The following EDA variants were observed in gnomAD, a reference collection of about 807,000 sequenced individuals.
EDA encodes ectodysplasin-A.
A neutral mutation model predicts 23.6 loss-of-function variants in EDA; 2 were observed. The ratio of observed to expected loss-of-function variants is 0.08; its 90% CI spans 0.03 to 0.27. EDA has a LOEUF of 0.27. EDA is among the 10% of genes least tolerant of loss of function. The probability of loss-of-function intolerance (pLI) is 1.00; values close to 1 mark genes in which losing one functional copy is unlikely to be tolerated. For synonymous variants in EDA, 131 were observed against 132.0 expected (o/e 0.99, Z 0.05); for missense variants, 229 against 324.2 (o/e 0.71, Z 2.26).
chrX:69,700,800 T>C (rs1347507317), intron 1 of EDA, among the ~76,000 whole-genome samples: 1 of 110,447 alleles, frequency 9.1e-6, no homozygotes, highest in African/African-American at 3.3e-5. Context: ...TGTTTTAAAG[T>C]GGGAGGTTGG....
intron 1 of EDA, among the ~76,000 whole-genome samples, chrX:69,888,213 G>A (rs2017858062): frequency 9.0e-6 from 1 of 111,227 alleles, no homozygotes; most frequent in South Asian, 3.8e-4. Context: ...CAAAAGTGTA[G>A]AGTTTTTAAA....
intron 1 of EDA, among the ~76,000 whole-genome samples, chrX:69,832,969 A>G (rs1569348809): frequency 9.0e-6 from 1 of 111,553 alleles, no homozygotes; most frequent in African/African-American, 3.3e-5. Context: ...TAAATATACA[A>G]TCATGTCATC....
chrX:69,868,103 G>C (rs1409038965), intron 1 of EDA, among the ~76,000 whole-genome samples: 1 of 111,596 alleles, frequency 9.0e-6, no homozygotes, highest in Non-Finnish European at 1.9e-5. Context: ...CCTCCATTGT[G>C]ATTCACCTGT....
chrX:69,759,176 GTAACTAA>G (rs1283859848), intron 1 of EDA, among the ~76,000 whole-genome samples: 13 of 112,188 alleles, frequency 1.2e-4, no homozygotes, highest in African/African-American at 3.9e-4. Flanking sequence ...ATACAGCATT[GTAACTAA>G]TGATAGCTGG....
intron 1 of EDA, among the ~76,000 whole-genome samples, chrX:69,850,080 A>G (rs2017094815): frequency 8.9e-6 from 1 of 112,449 alleles, no homozygotes; most frequent in South Asian, 3.7e-4. Context: ...ATACTGATCC[A>G]TGGCAGGCAT....
chrX:69,746,952 C>T (rs1397641057), intron 1 of EDA, among the ~76,000 whole-genome samples: 2 of 111,235 alleles, frequency 1.8e-5, no homozygotes, highest in East Asian at 2.8e-4. Context: ...AGGTTTAACA[C>T]TCTAGCAGAG....
At chrX:69,651,118 A>G (rs150007556) in intron 1 of EDA, among the ~76,000 whole-genome samples, 1 of 111,977 alleles carries the variant, frequency 8.9e-6, no homozygotes, top group African/African-American at 3.2e-5. Flanking sequence ...TCAAGGTACA[A>G]AAGGATGCCA....
At chrX:69,697,779 C>T (rs1212549413) in intron 1 of EDA, among the ~76,000 whole-genome samples, 1 of 112,166 alleles carries the variant, frequency 8.9e-6, no homozygotes, top group Non-Finnish European at 1.9e-5. Context: ...CCACCCATCC[C>T]TTCCAGGTTT....
At chrX:69,823,149 A>G (rs2016284472) in intron 1 of EDA, among the ~76,000 whole-genome samples, 1 of 80,370 alleles carries the variant, frequency 1.2e-5, no homozygotes, top group African/African-American at 5.9e-5. Flanking sequence ...TAATGCTGCA[A>G]TAAACATACG....
At position 69,838,148 on chromosome X, in the gene EDA, A is replaced by C. The variant is rs190680767; in HGVS notation, c.397-118879A>C. The stretch of plus-strand genomic sequence containing the variant: ...CCTTTCAGTAAGCACATAGCCTCTG[A>C]GTGGAACTCTGTTTCATCTACTGTA... On this transcript the variant is annotated intron_variant, in intron 1 of 7. Transcript: ENST00000374552. Among the ~76,000 whole-genome samples the C allele has an allele frequency of 4.4e-5, 5 of 112,368 alleles. No homozygotes were observed. In the East Asian group the frequency reaches 1.4e-3, roughly 32 times the overall value.
intron 2 of EDA, among the ~76,000 whole-genome samples, chrX:69,990,096 G>A (rs1052316238): frequency 7.3e-5 from 8 of 110,195 alleles, no homozygotes; most frequent in African/African-American, 1.7e-4. Context: ...CATTCAGTTC[G>A]ACATATTCTT....
chrX:69,658,037 G>A (rs2147251482), intron 1 of EDA, among the ~76,000 whole-genome samples: 1 of 111,442 alleles, frequency 9.0e-6, no homozygotes, highest in East Asian at 2.8e-4. Context: ...GAATAGCATT[G>A]ACTCTGTAGA....
chrX:69,744,770 T>TAAA (rs1445251379), intron 1 of EDA, among the ~76,000 whole-genome samples: 1 of 112,118 alleles, frequency 8.9e-6, no homozygotes, highest in East Asian at 2.8e-4. Flanking sequence ...GTGCTTTATG[T>TAAA]ACTTCTCATT....
intron 1 of EDA, among the ~76,000 whole-genome samples, chrX:69,864,940 G>A (rs961210139): frequency 8.1e-5 from 9 of 111,275 alleles, no homozygotes; most frequent in Admixed American, 5.7e-4. Context: ...GCAGTGAGTC[G>A]AGATCGCCAC....
intron 1 of EDA, among the ~76,000 whole-genome samples, chrX:69,677,824 A>T (rs1934163580): frequency 9.0e-6 from 1 of 111,725 alleles, no homozygotes. Context: ...TCTTTAGTTT[A>T]ATTAGATCCC....
chrX:69,769,212 C>T (rs1379352314), intron 1 of EDA, among the ~76,000 whole-genome samples: 2 of 111,576 alleles, frequency 1.8e-5, no homozygotes. Context: ...TTTGCAAAGT[C>T]TTCTGTCTCC....
chrX:69,789,700 A>G (rs1395027590), intron 1 of EDA, among the ~76,000 whole-genome samples: 8 of 111,617 alleles, frequency 7.2e-5, no homozygotes, highest in East Asian at 2.8e-4. Flanking sequence ...AATTGTATCT[A>G]TATTCCTCCT....
intron 1 of EDA, among the ~76,000 whole-genome samples, chrX:69,872,914 C>T (rs1288294222): frequency 9.0e-6 from 1 of 111,648 alleles, no homozygotes; most frequent in Non-Finnish European, 1.9e-5. Context: ...CAGATATATA[C>T]AGAACATTCT....
intron 1 of EDA, among the ~76,000 whole-genome samples, chrX:69,678,002 G>A (rs1237534949): frequency 2.5e-4 from 28 of 110,943 alleles, no homozygotes; most frequent in African/African-American, 8.5e-4. Flanking sequence ...TTTTGTATAA[G>A]GTGTAAGGAA....
Sources: gnomAD v4.1 joint callset for allele counts (sites outside exome capture counted in the v4.1 genomes callset) on GRCh38, gnomAD v4.1.1 for gene constraint, MANE v1.5 for transcripts, NCBI Gene and HGNC (gene_info 2026-07-23, HGNC 2026-07-21) for gene names.